Variants in ERLEC1 observed in about 807,000 individuals in gnomAD.
ERLEC1 encodes the protein ER lectin.
A neutral mutation model predicts 68.0 loss-of-function variants in ERLEC1; 47 were observed. The ratio of observed to expected loss-of-function variants is 0.69; its 90% CI spans 0.55 to 0.88. The LOEUF is 0.88. Among genes scored for constraint, ERLEC1 ranks in the 40% least tolerant of loss-of-function variants. The pLI is 0.00. For synonymous variants in ERLEC1, 225 were observed against 203.2 expected, an observed-to-expected ratio of 1.11 and a Z score of -0.91; for missense variants, 567 against 583.8, an observed-to-expected ratio of 0.97 and a Z score of 0.30.
chr2:53,802,723 T>G (rs1025378325), intron 8 of ERLEC1, among the ~76,000 whole-genome samples: 3 of 152,182 alleles, frequency 2.0e-5, no homozygotes. Context: ...CCCAGCTGTT[T>G]TGAACAGCTT....
chr2:53,793,329 A>G (rs769319790), intron 1 of ERLEC1, among the ~76,000 whole-genome samples: 1 of 152,210 alleles, frequency 6.6e-6, no homozygotes, highest in Non-Finnish European at 1.5e-5. Flanking sequence ...ATAGTGTAGA[A>G]AGCTTTAAGG....
At chr2:53,808,133 C>T (rs1018072823) in intron 8 of ERLEC1, among the ~76,000 whole-genome samples, 166 bp from the exon 9 acceptor site, 2 of 152,154 alleles carry the variant, frequency 1.3e-5, no homozygotes, top group African/African-American at 4.8e-5. Flanking sequence ...CTGGAGCTTT[C>T]TCTATGCTAA....
intron 8 of ERLEC1, among the ~76,000 whole-genome samples, chr2:53,804,423 G>A (rs1011277774): frequency 1.3e-4 from 19 of 151,976 alleles, no homozygotes; most frequent in African/African-American, 4.6e-4. Context: ...ATAGGCACGT[G>A]TCACCATGCC....
chr2:53,806,239 A>G (rs969580695), intron 8 of ERLEC1, among the ~76,000 whole-genome samples: 3 of 152,228 alleles, frequency 2.0e-5, no homozygotes, highest in Non-Finnish European at 4.4e-5. Context: ...ACTCTACTAT[A>G]TAAACTACCA....
intron 1 of ERLEC1, among the ~76,000 whole-genome samples, chr2:53,793,507 C>T (rs1220768143): frequency 6.6e-6 from 1 of 152,190 alleles, no homozygotes. Flanking sequence ...CCATATGGCT[C>T]ACAAAGCCTA....
intron 10 of ERLEC1, among the ~76,000 whole-genome samples, chr2:53,812,115 T>C (rs1204338569): frequency 6.6e-6 from 1 of 152,134 alleles, no homozygotes; most frequent in Non-Finnish European, 1.5e-5. Context: ...AGTTTCTACA[T>C]GTTGGTCAGG....
At chr2:53,815,336 G>A (rs1470651002) in intron 13 of ERLEC1, among the ~76,000 whole-genome samples, 1 of 152,034 alleles carries the variant, frequency 6.6e-6, no homozygotes, top group South Asian at 2.1e-4. Flanking sequence ...ATTAAGTTTA[G>A]GAAGGACCTT....
Position 53,813,055 on chromosome 2 carries a change from A to T in ERLEC1, c.1208A>T (p.Asp403Val). The change falls in exon 11 of 14, where the codon GAT (aspartate) becomes GTT (valine). Residue 403 changes from aspartate (D) to valine (V), a missense_variant. Coordinates refer to ENST00000185150, the MANE Select transcript of ERLEC1 (RefSeq NM_015701.5). ...GCTAGAGCTTATCATCTTCAAGACG[A>T]TGGTACCCAGACAGTCAGGTAAAGA... ...NTARAYHLQDDGTQTVRMVSH... is the reference protein window; with the variant it reads ...NTARAYHLQDVGTQTVRMVSH... 1 of 1,612,114 alleles carries T rather than the reference A, an allele frequency of 6.2e-7. No homozygotes were observed. Among genetic ancestry groups the T allele is most frequent in the Non-Finnish European group, 8.5e-7 (1 of 1,179,648 alleles).
At chr2:53,794,717 C>A (rs976927658) in intron 2 of ERLEC1, among the ~76,000 whole-genome samples, 2 of 152,098 alleles carry the variant, frequency 1.3e-5, no homozygotes, top group Non-Finnish European at 2.9e-5. Context: ...GGCAGTGGCA[C>A]GATCTTGGCT....
intron 8 of ERLEC1, 36 bp from the exon 9 acceptor site, chr2:53,808,263 G>A: frequency 6.4e-7 from 1 of 1,571,658 alleles, no homozygotes; most frequent in African/African-American, 1.4e-5. Context: ...ATTAAGTTTG[G>A]CATGGAAACC....
Position 53,795,988 on chromosome 2 carries a change from T to A in ERLEC1, c.323T>A (p.Phe108Tyr). The A allele has an allele frequency of 6.2e-7, 1 of 1,603,466 alleles. No homozygotes were observed. The highest frequency in any genetic ancestry group is 8.5e-7 in the Non-Finnish European group (1 of 1,176,200). The stretch of plus-strand genomic sequence containing the variant: ...CCAAGAGAGCTTTTGGAGCCACTAT[T>A]TAAACAAAGCAGTTGTTCCTACAGA... ...PNPRELLEPL[F>Y]KQSSCSYRIE... The change falls in exon 3 of 14, where the codon TTT becomes TAT. Residue 108 changes from phenylalanine to tyrosine, a missense_variant. Phe to Tyr is a conservative substitution (Grantham distance 22, BLOSUM62 3). Transcript: ENST00000185150.
rs544797306 is a variant in ERLEC1 at position 53,798,134 on chromosome 2, G to T, written c.490+339G>T. On this transcript the variant is annotated intron_variant, in intron 5 of 13. Transcript: ENST00000185150. ...GGCATGAACACAGGAGGCGGAGCTTGCAGTGAGCCGAGATGGCACCACTGC... is the reference window on the plus strand; with the variant it reads ...GGCATGAACACAGGAGGCGGAGCTTTCAGTGAGCCGAGATGGCACCACTGC... Among the ~76,000 whole-genome samples the T allele has an allele frequency of 2.0e-5, 3 of 152,252 alleles. No homozygotes were observed. The South Asian group carries it at 6.2e-4, about 32-fold the overall frequency.
At position 53,814,388 on chromosome 2, in the gene ERLEC1, C is replaced by T. The variant is rs1344714402; in HGVS notation, c.1227-155C>T. 3.3e-5 allele frequency among the ~76,000 whole-genome samples: 5 copies of T among 152,106 alleles called. No homozygotes were observed. In the East Asian group the frequency reaches 5.8e-4, roughly 18 times the overall value. The stretch of plus-strand genomic sequence containing the variant: ...CCAAGAGAATGCCTCTGTGAGATAA[C>T]CCTAAAAATATTTTTTTAAAGAATA... On this transcript the variant is annotated intron_variant, in intron 11 of 13. Transcript: ENST00000185150.
intron 2 of ERLEC1, among the ~76,000 whole-genome samples, chr2:53,795,357 G>A (rs1188615281): frequency 6.6e-6 from 1 of 152,156 alleles, no homozygotes; most frequent in Non-Finnish European, 1.5e-5. Flanking sequence ...ATATTTTCAT[G>A]ATCTGGAAAA....
At position 53,787,265 on chromosome 2, in the gene ERLEC1, C is replaced by T. The variant is rs374970739; in HGVS notation, c.55C>T (p.Leu19=). The T allele has an allele frequency of 2.5e-6, 4 of 1,608,330 alleles. No homozygotes were observed. The highest frequency in any genetic ancestry group is 3.4e-6 in the Non-Finnish European group (4 of 1,179,926). The stretch of plus-strand genomic sequence containing the variant: ...TCTGGTCCCGGGCGGGCCGGTGTTA[C>T]TGGTCCTCTGCGGCCTCCTGGAGGC... The part of the protein sequence containing the change: ...RSLVPGGPVL[L]VLCGLLEASG... The change falls in exon 1 of 14, where the codon CTG becomes TTG. Residue 19 remains leucine (L), a synonymous_variant. Coordinates refer to ENST00000185150, the MANE Select transcript of ERLEC1 (RefSeq NM_015701.5).
At chr2:53,798,957 A>T in intron 5 of ERLEC1, 90 bp from the exon 6 acceptor site, 3 of 1,069,758 alleles carry the variant, frequency 2.8e-6, no homozygotes, top group Non-Finnish European at 4.1e-6. Flanking sequence ...TTTAGAAAGA[A>T]GATTAAGGTT....
At chr2:53,803,521 T>C (rs539797607) in intron 8 of ERLEC1, among the ~76,000 whole-genome samples, 2 of 151,314 alleles carry the variant, frequency 1.3e-5, no homozygotes, top group East Asian at 3.9e-4. Flanking sequence ...CCCAACACTT[T>C]GGGAGGCCGA....
chr2:53,797,582 A>C lies in ERLEC1; in HGVS notation c.416A>C (p.Glu139Ala). The change falls in exon 4 of 14, where the codon GAA (glutamate) becomes GCA (alanine). Residue 139 changes from glutamate to alanine, a missense_variant. Physicochemically the swap from Glu to Ala is moderately radical, Grantham distance 107. Transcript: ENST00000185150. Reference protein sequence around the residue: ...KHIRQYHEEKETGQKINIHEY... With the variant: ...KHIRQYHEEKATGQKINIHEY... Reference sequence around the variant, plus strand: ...ATTCGGCAGTACCATGAAGAGAAAGAAACTGGTCAGGTGTGTTTTTCTTCA... The same window carrying C: ...ATTCGGCAGTACCATGAAGAGAAAGCAACTGGTCAGGTGTGTTTTTCTTCA... 6.2e-7 allele frequency: 1 copy of C among 1,612,068 alleles called. No homozygotes were observed. The highest frequency in any genetic ancestry group is 1.1e-5 in the South Asian group (1 of 90,212).
chr2:53,800,939 T>A (rs542108656), intron 6 of ERLEC1, among the ~76,000 whole-genome samples: 18 of 152,278 alleles, frequency 1.2e-4, no homozygotes, highest in Non-Finnish European at 2.1e-4. Flanking sequence ...TGTTTTACTA[T>A]ACAACCCTAT....
Sources: gnomAD v4.1 joint callset for allele counts (sites outside exome capture counted in the v4.1 genomes callset) on GRCh38, gnomAD v4.1.1 for gene constraint, MANE v1.5 for transcripts, NCBI Gene and HGNC (gene_info 2026-07-23, HGNC 2026-07-21) for gene names.